MIPOL1: variants seen among roughly 807,000 people sequenced by gnomAD.
MIPOL1 encodes mirror-image polydactyly gene 1 protein.
Under a neutral mutation model 60.9 loss-of-function variants are expected in MIPOL1, and 57 were observed. The observed-to-expected ratio is 0.94, with a 90% CI of 0.76 to 1.17. MIPOL1 has a LOEUF of 1.17. MIPOL1 is among the 50% of genes most tolerant of loss of function. The probability of loss-of-function intolerance (pLI) is 0.00; values close to 1 mark genes in which losing one functional copy is unlikely to be tolerated. For synonymous variants in MIPOL1, 179 were observed against 168.8 expected (o/e 1.06, Z -0.47); for missense variants, 551 against 511.6 (o/e 1.08, Z -0.74).
chr14:37,520,905 T>C (rs1179363891), intron 12 of MIPOL1, among the ~76,000 whole-genome samples: 1 of 150,268 alleles, frequency 6.7e-6, no homozygotes, highest in Admixed American at 6.7e-5. Flanking sequence ...TGAGATGATA[T>C]TTGGAATTCT....
At chr14:37,267,973 T>TA (rs1440318135) in intron 4 of MIPOL1, among the ~76,000 whole-genome samples, 1 of 152,144 alleles carries the variant, frequency 6.6e-6, no homozygotes, top group Non-Finnish European at 1.5e-5. Context: ...CTTGCCTACC[T>TA]AGCTCATGAA....
intron 6 of MIPOL1, among the ~76,000 whole-genome samples, chr14:37,284,056 A>G (rs1380777248): frequency 6.6e-6 from 1 of 152,122 alleles, no homozygotes; most frequent in Non-Finnish European, 1.5e-5. Context: ...TAAGATTTCA[A>G]ACATACAAAC....
At chr14:37,458,333 C>T (rs1321440592) in intron 11 of MIPOL1, among the ~76,000 whole-genome samples, 1 of 152,282 alleles carries the variant, frequency 6.6e-6, no homozygotes, top group East Asian at 1.9e-4. Flanking sequence ...TAGACATTCT[C>T]AGAACATTCT....
chr14:37,283,241 A>G (rs1302484836), intron 6 of MIPOL1, among the ~76,000 whole-genome samples: 1 of 151,816 alleles, frequency 6.6e-6, no homozygotes, highest in African/African-American at 2.4e-5. Context: ...AATTTTTTGT[A>G]TTTTTAGTAG....
intron 12 of MIPOL1, chr14:37,523,632 T>C (rs775443589): frequency 8.1e-6 from 3 of 370,038 alleles, no homozygotes; most frequent in African/African-American, 2.1e-5. Flanking sequence ...ATTGTATTCA[T>C]GTCCTAATTC....
intron 7 of MIPOL1, among the ~76,000 whole-genome samples, chr14:37,296,844 A>G (rs997949867): frequency 1.2e-4 from 19 of 152,214 alleles, no homozygotes; most frequent in Admixed American, 5.2e-4. Flanking sequence ...GTCCAGGACC[A>G]GATGGATTCA....
chr14:37,340,828 C>G (rs1378113466), intron 9 of MIPOL1, among the ~76,000 whole-genome samples: 2 of 152,070 alleles, frequency 1.3e-5, no homozygotes, highest in Non-Finnish European at 2.9e-5. Context: ...TGTCCTAGGC[C>G]TTCACATTCA....
intron 10 of MIPOL1, among the ~76,000 whole-genome samples, chr14:37,377,935 A>G (rs1441645117): frequency 6.6e-6 from 1 of 151,788 alleles, no homozygotes; most frequent in Non-Finnish European, 1.5e-5. Context: ...TATTTTTAAA[A>G]CTTTTTAAAA....
chr14:37,329,740 C>T (rs1215907222), intron 9 of MIPOL1, among the ~76,000 whole-genome samples: 3 of 152,090 alleles, frequency 2.0e-5, no homozygotes, highest in Non-Finnish European at 4.4e-5. Context: ...ATCCAGTAAA[C>T]ACTAATACTC....
chr14:37,331,541 G>T (rs2089683221), intron 9 of MIPOL1, among the ~76,000 whole-genome samples: 1 of 146,398 alleles, frequency 6.8e-6, no homozygotes, highest in Admixed American at 6.9e-5. Flanking sequence ...TTGTAAATGG[G>T]ATTACATTCT....
chr14:37,460,882 T>A (rs1205049459), intron 11 of MIPOL1, among the ~76,000 whole-genome samples: 2 of 152,202 alleles, frequency 1.3e-5, no homozygotes, highest in African/African-American at 4.8e-5. Context: ...AAACATGCCA[T>A]GTTCATGGAT....
intron 4 of MIPOL1, among the ~76,000 whole-genome samples, chr14:37,267,490 A>G (rs2153385542): frequency 6.6e-6 from 1 of 150,378 alleles, no homozygotes; most frequent in African/African-American, 2.4e-5. Context: ...TGTCTGAAGA[A>G]AAAAAAAAAA....
At chr14:37,435,015 G>A (rs1006573610) in intron 11 of MIPOL1, among the ~76,000 whole-genome samples, 5 of 152,038 alleles carry the variant, frequency 3.3e-5, no homozygotes, top group Non-Finnish European at 5.9e-5. Context: ...TCTAAAAGGG[G>A]CATGCACTTG....
chr14:37,497,980 A>G lies in MIPOL1; in HGVS notation c.1032-1928A>G, dbSNP rs112226390. On this transcript the variant is annotated intron_variant, in intron 11 of 12. Coordinates refer to ENST00000684589, the MANE Select transcript of MIPOL1 (RefSeq NM_001388067.1). ...CCTAGGTCCATCAAAAGACATGTAC[A>G]GGAATATCCATAGCAACAACTGTGG... 2.6e-5 allele frequency among the ~76,000 whole-genome samples: 4 copies of G among 152,336 alleles called. 1 individual carries two copies. Among genetic ancestry groups the G allele is most frequent in the African/African-American group, 7.2e-5 (3 of 41,574 alleles).
intron 11 of MIPOL1, among the ~76,000 whole-genome samples, chr14:37,480,093 G>A (rs2094839655): frequency 6.6e-6 from 1 of 152,070 alleles, no homozygotes; most frequent in Non-Finnish European, 1.5e-5. Context: ...CTTCACTGCT[G>A]AATTCAACCA....
At chr14:37,315,264 G>A (rs1595088986) in intron 9 of MIPOL1, among the ~76,000 whole-genome samples, 1 of 152,170 alleles carries the variant, frequency 6.6e-6, no homozygotes, top group East Asian at 1.9e-4. Context: ...GAGTGAACAA[G>A]CTTAGGTTTT....
At chr14:37,440,611 C>CT (rs1388894197) in intron 11 of MIPOL1, among the ~76,000 whole-genome samples, 3 of 152,204 alleles carry the variant, frequency 2.0e-5, no homozygotes, top group South Asian at 2.1e-4. Flanking sequence ...TGATTTCATT[C>CT]TTTTTTATAG....
In MIPOL1 at chr14:37,421,296, C is replaced by T. The variant is rs371397186; in HGVS notation, c.937-1559C>T. Among the ~76,000 whole-genome samples, 26 of 152,100 alleles carry T rather than the reference C, an allele frequency of 1.7e-4. 1 individual carries two copies. The highest frequency in any genetic ancestry group is 1.4e-3 in the East Asian group (7 of 5,182). On this transcript the variant is annotated intron_variant, in intron 10 of 12. Transcript: ENST00000684589. ...CATTTTATTTCAGCATTTGTACATA[C>T]GTAGCACTGGCACATATTTATTTAG...
chr14:37,309,175 C>T (rs1168850142), intron 9 of MIPOL1, among the ~76,000 whole-genome samples: 2 of 150,410 alleles, frequency 1.3e-5, no homozygotes. Flanking sequence ...ACCTTGTTTC[C>T]CAGGCTGCTC....
Sources: allele counts gnomAD v4.1 joint callset (sites outside exome capture counted in the v4.1 genomes callset), GRCh38; gene constraint gnomAD v4.1.1; transcripts MANE v1.5; gene names NCBI Gene and HGNC (gene_info 2026-07-23, HGNC 2026-07-21).